The following POPDC2 variants were observed in gnomAD, a reference collection of about 807,000 sequenced individuals.
POPDC2 encodes the protein popeye domain cAMP effector 2.
A neutral mutation model predicts 30.5 loss-of-function variants in POPDC2; 24 were observed. The ratio of observed to expected loss-of-function variants is 0.79; its 90% confidence interval spans 0.57 to 1.11. The LOEUF (loss-of-function observed/expected upper bound fraction) is 1.11. Among genes scored for constraint, POPDC2 ranks in the 50% least tolerant of loss-of-function variants. The pLI, the probability that POPDC2 is intolerant of heterozygous loss-of-function variation, is 0.00. For missense variants in POPDC2, 409 were observed against 447.0 expected (o/e 0.91, Z 0.77); for synonymous variants, 185 against 183.3 (o/e 1.01, Z -0.07).
chr3:119,644,862 A>G (rs368958426), intron 3 of POPDC2, among the ~76,000 whole-genome samples: 65 of 152,366 alleles, frequency 4.3e-4, no homozygotes, highest in African/African-American at 1.3e-3. Flanking sequence ...TATTCATTAG[A>G]GTAATAACCT....
chr3:119,654,886 G>A (rs1464832557), intron 1 of POPDC2, among the ~76,000 whole-genome samples: 3 of 151,934 alleles, frequency 2.0e-5, no homozygotes, highest in African/African-American at 7.3e-5. Context: ...GAAGTCCCAG[G>A]GAAGCTTTTA....
Position 119,648,525 on chromosome 3 carries a change from G to C in POPDC2, c.744C>G (p.Leu248=). 1 of 1,614,160 alleles carries C rather than the reference G, an allele frequency of 6.2e-7. No homozygotes were observed. The highest frequency in any genetic ancestry group is 8.5e-7 in the Non-Finnish European group (1 of 1,180,022). Residue 248 remains leucine (L), a synonymous_variant, in exon 3 of 4, where the codon CTC becomes CTG. Transcript: ENST00000493094. The part of the protein sequence containing the change: ...GYDISEKLYT[L]NDKLFAKFGL... ...CAAACTTAGCAAAGAGCTTGTCATT[G>C]AGAGTGTAGAGCTTCTCTGAGATGT... is the stretch of plus-strand genomic sequence containing the variant.
chr3:119,659,908 C>G, intron 1 of POPDC2, 25 bp downstream of exon 1: 1 of 1,542,966 alleles, frequency 6.5e-7, no homozygotes, highest in South Asian at 1.2e-5. Flanking sequence ...GAAAGAAATT[C>G]TGGGCAATGG....
rs183442836 is a variant in POPDC2, at chr3:119,644,727, G to A, written c.*44-2166C>T. Among the ~76,000 whole-genome samples, 175 of 152,224 alleles carry A rather than the reference G, an allele frequency of 1.1e-3. 1 individual carries two copies. Among genetic ancestry groups the A allele is most frequent in the African/African-American group, 3.6e-3 (148 of 41,556 alleles). ...GCTTCATGCCTCTCATATAAGTGCTGTGCCGGGATGAATAGCAATGAGCTT... is the reference window on the plus strand; with the variant it reads ...GCTTCATGCCTCTCATATAAGTGCTATGCCGGGATGAATAGCAATGAGCTT... On this transcript the variant is annotated intron_variant, in intron 3 of 3. Coordinates refer to ENST00000493094, the MANE Select transcript of POPDC2 (RefSeq NM_001369919.2).
intron 2 of POPDC2, among the ~76,000 whole-genome samples, chr3:119,652,239 G>A (rs2052820062): frequency 6.6e-6 from 1 of 152,140 alleles, no homozygotes; most frequent in Admixed American, 6.5e-5. Context: ...AACACACAAT[G>A]AATTCTGACT....
At chr3:119,648,062 C>G (rs2052764557) in intron 3 of POPDC2, 57 bp downstream of exon 3, 1 of 1,337,230 alleles carries the variant, frequency 7.5e-7, no homozygotes, top group South Asian at 1.7e-5. Context: ...CCCTAACAAG[C>G]TGAGTTAAGG....
Position 119,642,258 on chromosome 3 carries a change from A to ACTAC in POPDC2, c.*343_*346dup. The ACTAC allele has an allele frequency of 5.0e-6, 2 of 401,708 alleles. No homozygotes were observed. Among genetic ancestry groups the ACTAC allele is most frequent in the Non-Finnish European group, 9.2e-6 (2 of 217,386 alleles). The allele number at this position is 401,708 out of a possible 1,614,324, so 24.9% of individuals were successfully genotyped here. Reference sequence around the variant, plus strand: ...TAAAGGACGGAATCTGTGCCTCTGCACTACCAATGCCTGCTCCTGAAGGAA... The same window carrying ACTAC: ...TAAAGGACGGAATCTGTGCCTCTGCACTACCTACCAATGCCTGCTCCTGAAGGAA... On this transcript the variant is annotated 3_prime_UTR_variant, in exon 4 of 4. Transcript: ENST00000493094.
At chr3:119,655,478 A>T (rs1333007683) in intron 1 of POPDC2, among the ~76,000 whole-genome samples, 1 of 152,232 alleles carries the variant, frequency 6.6e-6, no homozygotes, top group Non-Finnish European at 1.5e-5. Flanking sequence ...TACAACATAG[A>T]TCTAGAACGT....
intron 3 of POPDC2, chr3:119,643,463 G>GAGAA: frequency 6.9e-7 from 1 of 1,452,788 alleles, no homozygotes; most frequent in Non-Finnish European, 9.3e-7. Flanking sequence ...ATAAAAGAAA[G>GAGAA]AGAAAGAAAG....
intron 2 of POPDC2, among the ~76,000 whole-genome samples, chr3:119,650,850 G>A (rs1230343554): frequency 6.6e-6 from 1 of 152,186 alleles, no homozygotes; most frequent in Non-Finnish European, 1.5e-5. Context: ...CCATTCAAAT[G>A]TCCACAGATG....
rs571626201 is a variant in POPDC2 at position 119,657,551 on chromosome 3, A to G, written c.491+2382T>C. Reference sequence around the variant, plus strand: ...ACAAAGGAAACCAAGGAACAAACTCACTTGTGTCACCATAAAAGGGGATCA... The same window carrying G: ...ACAAAGGAAACCAAGGAACAAACTCGCTTGTGTCACCATAAAAGGGGATCA... On this transcript the variant is annotated intron_variant, in intron 1 of 3. Transcript: ENST00000493094. Among the ~76,000 whole-genome samples the G allele has an allele frequency of 1.7e-3, 254 of 152,234 alleles. No homozygotes were observed. In the Middle Eastern group the frequency reaches 0.024, roughly 14 times the overall value.
intron 3 of POPDC2, among the ~76,000 whole-genome samples, chr3:119,643,141 G>A (rs375791508): frequency 2.6e-4 from 40 of 152,304 alleles, no homozygotes; most frequent in African/African-American, 6.0e-4. Flanking sequence ...CAAGTTTTCC[G>A]AGCCAGGACT....
Position 119,642,316 on chromosome 3 carries a change from C to A in POPDC2, c.*289G>T. 1 of 543,692 alleles carries A rather than the reference C, an allele frequency of 1.8e-6. No homozygotes were observed. Among genetic ancestry groups the A allele is most frequent in the East Asian group, 3.0e-5 (1 of 33,690 alleles). 33.7% of individuals were successfully genotyped at this position (543,692 alleles called of 1,614,324 possible). A position where few individuals can be genotyped will look rare whatever the true frequency, so the allele number is the denominator to read the frequency against. On this transcript the variant is annotated 3_prime_UTR_variant, in exon 4 of 4. Transcript: ENST00000493094. ...GAGGGTGAATTTCTCAAAGTCACTT[C>A]AGGTCCTTACTGTAGCGACAGTGTT...
Position 119,660,539 on chromosome 3 carries a change from A to G in POPDC2, c.-116T>C. The G allele has an allele frequency of 8.4e-7, 1 of 1,195,092 alleles. No individual in the cohort carries two copies. Among genetic ancestry groups the G allele is most frequent in the Non-Finnish European group, 1.1e-6 (1 of 876,594 alleles). The allele number at this position is 1,195,092 out of a possible 1,614,324, so 74.0% of individuals were successfully genotyped here. A position where few individuals can be genotyped will look rare whatever the true frequency, so the allele number is the denominator to read the frequency against. Reference sequence around the variant, plus strand: ...TCTCACCTCCGGCTTCTCACTACCGACTCCACCTTTCCTAGAAGGAATGCT... The same window carrying G: ...TCTCACCTCCGGCTTCTCACTACCGGCTCCACCTTTCCTAGAAGGAATGCT... On this transcript the variant is annotated 5_prime_UTR_variant, in exon 1 of 4. Transcript: ENST00000493094.
Position 119,659,997 on chromosome 3 carries a change from C to G in POPDC2, c.427G>C (p.Glu143Gln). The G allele has an allele frequency of 6.2e-7, 1 of 1,613,952 alleles. No individual in the cohort carries two copies. The highest frequency in any genetic ancestry group is 8.5e-7 in the Non-Finnish European group (1 of 1,179,870). The change falls in exon 1 of 4, where the codon GAA (glutamate) becomes CAA (glutamine). Residue 143 changes from glutamate to glutamine, a missense_variant. Coordinates refer to ENST00000493094, the MANE Select transcript of POPDC2 (RefSeq NM_001369919.2). Reference sequence around the variant, plus strand: ...TCACCCTCCACAGCATAGGTCTGTTCAGTGGCCAGAGTTAAGACCTGCTCC... The same window carrying G: ...TCACCCTCCACAGCATAGGTCTGTTGAGTGGCCAGAGTTAAGACCTGCTCC... ...CEEQVLTLAT[E>Q]QTYAVEGETP...
chr3:119,648,972 A>G (rs1469066718), intron 2 of POPDC2, among the ~76,000 whole-genome samples: 1 of 152,242 alleles, frequency 6.6e-6, no homozygotes, highest in African/African-American at 2.4e-5. Context: ...TCCGTGGCTA[A>G]TGCCACTAAT....
intron 3 of POPDC2, among the ~76,000 whole-genome samples, chr3:119,644,633 G>A (rs777588045): frequency 6.6e-6 from 1 of 152,206 alleles, no homozygotes; most frequent in Non-Finnish European, 1.5e-5. Context: ...ATTTGGATTG[G>A]TGTGAGAGAC....
chr3:119,655,276 G>A (rs980626684), intron 1 of POPDC2, among the ~76,000 whole-genome samples: 3 of 151,690 alleles, frequency 2.0e-5, no homozygotes, highest in Non-Finnish European at 2.9e-5. Flanking sequence ...GCAGTGAGCC[G>A]AGATCACACC....
intron 1 of POPDC2, among the ~76,000 whole-genome samples, chr3:119,659,290 G>T (rs74497561): frequency 0.021 from 3,236 of 152,218 alleles, 45 homozygotes; most frequent in Middle Eastern, 0.071. Flanking sequence ...TTACAGTACT[G>T]TACTTGACTT....
Sources: allele counts gnomAD v4.1 joint callset (sites outside exome capture counted in the v4.1 genomes callset), GRCh38; gene constraint gnomAD v4.1.1; transcripts MANE v1.5; gene names NCBI Gene and HGNC (gene_info 2026-07-23, HGNC 2026-07-21).